Variants in RUNX2 observed in about 807,000 individuals in gnomAD.
The protein encoded by RUNX2 is runt-related transcription factor 2.
A neutral mutation model predicts 51.7 loss-of-function variants in RUNX2; 10 were observed. The ratio of observed to expected loss-of-function variants is 0.19; its 90% confidence interval spans 0.12 to 0.33. The LOEUF (loss-of-function observed/expected upper bound fraction) is 0.33. RUNX2 is among the 10% of genes least tolerant of loss of function. The pLI is 1.00. For missense variants in RUNX2, 562 were observed against 691.3 expected (o/e 0.81, Z 2.10); for synonymous variants, 276 against 273.6 (o/e 1.01, Z -0.09).
At chr6:45,360,702 G>T (rs1048147201) in intron 2 of RUNX2, among the ~76,000 whole-genome samples, 1 of 152,122 alleles carries the variant, frequency 6.6e-6, no homozygotes, top group Non-Finnish European at 1.5e-5. Context: ...ACACTCTCAG[G>T]AGAAGAAGCA....
chr6:45,489,463 G>A (rs1800389133), intron 5 of RUNX2, among the ~76,000 whole-genome samples: 1 of 152,148 alleles, frequency 6.6e-6, no homozygotes, highest in East Asian at 1.9e-4. Flanking sequence ...CTAATGAAAA[G>A]GCTATAGAAA....
At chr6:45,417,632 T>G (rs1798092343) in intron 2 of RUNX2, among the ~76,000 whole-genome samples, 1 of 152,314 alleles carries the variant, frequency 6.6e-6, no homozygotes, top group Non-Finnish European at 1.5e-5. Flanking sequence ...AGGGCAAGGG[T>G]TGGCAAACTT....
At chr6:45,392,585 CT>C (rs1404819325) in intron 2 of RUNX2, among the ~76,000 whole-genome samples, 2 of 152,084 alleles carry the variant, frequency 1.3e-5, no homozygotes, top group African/African-American at 4.8e-5. Flanking sequence ...CATAATAATT[CT>C]GTGACATTTC....
intron 5 of RUNX2, among the ~76,000 whole-genome samples, chr6:45,481,799 C>T (rs1469585540): frequency 6.6e-6 from 1 of 152,180 alleles, no homozygotes; most frequent in Non-Finnish European, 1.5e-5. Flanking sequence ...GGACTGCCTC[C>T]CAGTGTCACT....
intron 6 of RUNX2, among the ~76,000 whole-genome samples, chr6:45,492,597 A>G (rs557455162): frequency 6.6e-6 from 1 of 152,354 alleles, no homozygotes; most frequent in Non-Finnish European, 1.5e-5. Context: ...TGTGTGGCTC[A>G]TCGGGCACAC....
chr6:45,389,620 A>T (rs1018288885), intron 2 of RUNX2, among the ~76,000 whole-genome samples: 12 of 152,262 alleles, frequency 7.9e-5, no homozygotes, highest in African/African-American at 2.9e-4. Flanking sequence ...TTGTAGAGAT[A>T]CAGATCCAAG....
At chr6:45,420,008 C>G (rs1433479849) in intron 2 of RUNX2, among the ~76,000 whole-genome samples, 1 of 151,976 alleles carries the variant, frequency 6.6e-6, no homozygotes, top group Non-Finnish European at 1.5e-5. Context: ...AGGGAAAGAC[C>G]GACGAGGGAG....
intron 2 of RUNX2, among the ~76,000 whole-genome samples, chr6:45,384,676 T>A (rs1200633014): frequency 1.4e-5 from 2 of 145,808 alleles, no homozygotes; most frequent in Non-Finnish European, 3.0e-5. Flanking sequence ...AAACACAAAA[T>A]CTTATCTCAA....
At chr6:45,422,429 C>T in intron 2 of RUNX2, 164 bp from the exon 3 acceptor site, 1 of 667,250 alleles carries the variant, frequency 1.5e-6, no homozygotes, top group South Asian at 1.7e-5. Context: ...CAGTCGGCCT[C>T]ATCAAACTTG....
chr6:45,343,539 T>C (rs915074655), intron 2 of RUNX2, among the ~76,000 whole-genome samples: 4 of 151,904 alleles, frequency 2.6e-5, no homozygotes, highest in Non-Finnish European at 4.4e-5. Flanking sequence ...TTACCCACAA[T>C]GACTGATTAA....
At chr6:45,406,515 A>G (rs976605646) in intron 2 of RUNX2, among the ~76,000 whole-genome samples, 1 of 152,080 alleles carries the variant, frequency 6.6e-6, no homozygotes, top group Non-Finnish European at 1.5e-5. Flanking sequence ...CCCAGGTTCA[A>G]GCGATTCTTG....
chr6:45,428,102 A>C (rs1170651153), intron 3 of RUNX2, among the ~76,000 whole-genome samples: 1 of 152,210 alleles, frequency 6.6e-6, no homozygotes, highest in African/African-American at 2.4e-5. Context: ...TTTGCAGAGC[A>C]GTACTTTTGT....
chr6:45,522,528 T>A (rs936374331), intron 7 of RUNX2, among the ~76,000 whole-genome samples: 7 of 152,232 alleles, frequency 4.6e-5, no homozygotes, highest in African/African-American at 1.4e-4. Context: ...ATTACGTATG[T>A]TTGATGTGTG....
At chr6:45,476,331 C>A (rs371297656) in intron 5 of RUNX2, among the ~76,000 whole-genome samples, 22 of 151,390 alleles carry the variant, frequency 1.5e-4, no homozygotes, top group African/African-American at 4.8e-4. Context: ...ATTCAAGGAG[C>A]CTTTGGGGAG....
At chr6:45,492,313 G>A (rs767854678) in intron 6 of RUNX2, among the ~76,000 whole-genome samples, 199 bp downstream of exon 6, 5 of 151,940 alleles carry the variant, frequency 3.3e-5, no homozygotes, top group Non-Finnish European at 1.5e-5. Context: ...ACATTTTGGG[G>A]GATATTTCTA....
chr6:45,419,302 A>T (rs577081583), intron 2 of RUNX2, among the ~76,000 whole-genome samples: 31 of 152,268 alleles, frequency 2.0e-4, no homozygotes, highest in African/African-American at 7.0e-4. Flanking sequence ...TTTACCATAG[A>T]AATAATCAAT....
At chr6:45,423,813 C>T (rs2150363391) in intron 3 of RUNX2, among the ~76,000 whole-genome samples, 1 of 152,204 alleles carries the variant, frequency 6.6e-6, no homozygotes, top group East Asian at 1.9e-4. Flanking sequence ...GGGGCCTGGG[C>T]GCTGAACCCT....
chr6:45,332,892 G>T (rs1031475296), intron 2 of RUNX2, among the ~76,000 whole-genome samples: 6 of 151,564 alleles, frequency 4.0e-5, no homozygotes, highest in Non-Finnish European at 8.9e-5. Flanking sequence ...TTCTCAATAC[G>T]TTACCTTAAT....
At chr6:45,401,477 C>G (rs565397127) in intron 2 of RUNX2, among the ~76,000 whole-genome samples, 2 of 152,360 alleles carry the variant, frequency 1.3e-5, no homozygotes, top group East Asian at 1.9e-4. Flanking sequence ...AGTCCTGGCT[C>G]TGTCACTAAC....
Sources: gnomAD v4.1 joint callset for allele counts (sites outside exome capture counted in the v4.1 genomes callset) on GRCh38, gnomAD v4.1.1 for gene constraint, MANE v1.5 for transcripts, NCBI Gene and HGNC (gene_info 2026-07-23, HGNC 2026-07-21) for gene names.